The following TPD52L1 variants were observed in gnomAD, a reference collection of about 807,000 sequenced individuals.
TPD52L1 encodes the protein TPD52 like 1.
A neutral mutation model predicts 28.7 loss-of-function variants in TPD52L1; 18 were observed. The ratio of observed to expected loss-of-function variants is 0.63; its 90% CI spans 0.43 to 0.93. The LOEUF (loss-of-function observed/expected upper bound fraction) is 0.93, where lower values mean the gene tolerates loss of function less well. TPD52L1 is among the 40% of genes least tolerant of loss of function. The pLI is 0.00. For missense variants in TPD52L1, 203 were observed against 254.8 expected (o/e 0.80, Z 1.39); for synonymous variants, 75 against 88.8 (o/e 0.84, Z 0.88).
intron 1 of TPD52L1, among the ~76,000 whole-genome samples, chr6:125,172,552 A>ACATACATAC (rs71024714): frequency 1.4e-5 from 1 of 72,394 alleles, no homozygotes; most frequent in African/African-American, 6.1e-5. Context: ...ATATATATAT[A>ACATACATAC]ATATATATAC....
chr6:125,208,728 C>T (rs1794322653), intron 1 of TPD52L1, among the ~76,000 whole-genome samples: 1 of 152,124 alleles, frequency 6.6e-6, no homozygotes, highest in Admixed American at 6.5e-5. Context: ...CAGTTGCTAA[C>T]ATTGTAGTAA....
intron 1 of TPD52L1, among the ~76,000 whole-genome samples, chr6:125,185,596 T>A (rs577223553): frequency 6.6e-6 from 1 of 151,848 alleles, no homozygotes; most frequent in East Asian, 1.9e-4. Context: ...CTTCAAAATC[T>A]ATGAGACGAA....
At chr6:125,246,721 C>T (rs1311574892) in intron 3 of TPD52L1, among the ~76,000 whole-genome samples, 1 of 151,966 alleles carries the variant, frequency 6.6e-6, no homozygotes, top group Non-Finnish European at 1.5e-5. Flanking sequence ...TTCATCTTGT[C>T]TCATTTGCTG....
At chr6:125,262,668 A>T (rs1583040819) in intron 6 of TPD52L1, 166 bp from the exon 7 acceptor site, 6 of 916,634 alleles carry the variant, frequency 6.5e-6, no homozygotes. Flanking sequence ...TATGAATAAT[A>T]TTCTAGCACT....
intron 2 of TPD52L1, among the ~76,000 whole-genome samples, chr6:125,223,366 C>G (rs1795381741): frequency 6.6e-6 from 1 of 152,094 alleles, no homozygotes; most frequent in African/African-American, 2.4e-5. Flanking sequence ...TAAACTAAGC[C>G]AGTAGTGTCC....
At chr6:125,171,832 T>C (rs1791318368) in intron 1 of TPD52L1, among the ~76,000 whole-genome samples, 1 of 152,192 alleles carries the variant, frequency 6.6e-6, no homozygotes, top group African/African-American at 2.4e-5. Context: ...ATAATAAATA[T>C]GTGTTGTTTT....
At chr6:125,162,963 G>A (rs1029227983) in intron 1 of TPD52L1, among the ~76,000 whole-genome samples, 1 of 152,184 alleles carries the variant, frequency 6.6e-6, no homozygotes, top group African/African-American at 2.4e-5. Flanking sequence ...ATTAAATGAA[G>A]AAGACAGGAT....
At position 125,163,465 on chromosome 6, in the gene TPD52L1, C is replaced by A. The variant is rs560310794; in HGVS notation, c.19+9495C>A. On this transcript the variant is annotated intron_variant, in intron 1 of 6. Transcript: ENST00000534000. ...GGCATGGTGATGCATGCATGTATTC[C>A]CAGCTACTTGGGAGGCTGAGGTGGG... 4.6e-5 allele frequency among the ~76,000 whole-genome samples: 7 copies of A among 151,802 alleles called. No individual in the cohort carries two copies. The South Asian group carries it at 1.5e-3, about 32-fold the overall frequency.
At chr6:125,159,961 G>A (rs937611491) in intron 1 of TPD52L1, among the ~76,000 whole-genome samples, 3 of 152,118 alleles carry the variant, frequency 2.0e-5, no homozygotes, top group South Asian at 2.1e-4. Flanking sequence ...TTCCCATGCT[G>A]TTCTCATGAT....
At chr6:125,254,230 G>A (rs1797455656) in intron 5 of TPD52L1, among the ~76,000 whole-genome samples, 1 of 152,220 alleles carries the variant, frequency 6.6e-6, no homozygotes. Context: ...ATATTAAGGT[G>A]AGATGTTTGT....
chr6:125,171,182 T>G (rs148058444), intron 1 of TPD52L1, among the ~76,000 whole-genome samples: 242 of 152,272 alleles, frequency 1.6e-3, no homozygotes, highest in African/African-American at 5.6e-3. Flanking sequence ...AATCGGAAAC[T>G]TTGAGAATGA....
intron 1 of TPD52L1, among the ~76,000 whole-genome samples, chr6:125,175,989 A>G (rs1208605714): frequency 6.6e-6 from 1 of 152,194 alleles, no homozygotes; most frequent in African/African-American, 2.4e-5. Context: ...AGGTTCCAAC[A>G]TACTAGAAGA....
chr6:125,159,634 A>T (rs1790378082), intron 1 of TPD52L1, among the ~76,000 whole-genome samples: 1 of 152,184 alleles, frequency 6.6e-6, no homozygotes, highest in African/African-American at 2.4e-5. Context: ...GAATGTTTTC[A>T]ATTTATTTTG....
chr6:125,183,560 A>C (rs576551506), intron 1 of TPD52L1, among the ~76,000 whole-genome samples: 5 of 152,368 alleles, frequency 3.3e-5, no homozygotes, highest in African/African-American at 1.2e-4. Context: ...AAGAGTGCCC[A>C]GTCCGTGAAG....
At chr6:125,249,712 A>G (rs1362271223) in intron 4 of TPD52L1, among the ~76,000 whole-genome samples, 2 of 148,522 alleles carry the variant, frequency 1.3e-5, no homozygotes, top group Non-Finnish European at 3.0e-5. Flanking sequence ...AAAAAAAAAG[A>G]AGGAAAAGCT....
chr6:125,219,155 T>C (rs550887099), intron 1 of TPD52L1, among the ~76,000 whole-genome samples: 1 of 152,326 alleles, frequency 6.6e-6, no homozygotes, highest in South Asian at 2.1e-4. Flanking sequence ...ACTGGAATCA[T>C]GTCATAGATG....
intron 1 of TPD52L1, among the ~76,000 whole-genome samples, chr6:125,165,581 A>T (rs545010466): frequency 6.6e-6 from 1 of 152,358 alleles, no homozygotes; most frequent in South Asian, 2.1e-4. Context: ...CACATGAAAA[A>T]TGCATGTATA....
At chr6:125,228,664 G>A (rs537621447) in intron 2 of TPD52L1, among the ~76,000 whole-genome samples, 1 of 152,220 alleles carries the variant, frequency 6.6e-6, no homozygotes, top group East Asian at 1.9e-4. Flanking sequence ...AACATAGTGA[G>A]ACCCTGTCTC....
chr6:125,154,329 C>T (rs1002809131), intron 1 of TPD52L1: 1 of 1,081,956 alleles, frequency 9.2e-7, no homozygotes, highest in Non-Finnish European at 1.1e-6. Flanking sequence ...CTCCCTTTCC[C>T]TTGAGGGAGT....
Sources: gnomAD v4.1 joint callset for allele counts (sites outside exome capture counted in the v4.1 genomes callset) on GRCh38, gnomAD v4.1.1 for gene constraint, MANE v1.5 for transcripts, NCBI Gene and HGNC (gene_info 2026-07-23, HGNC 2026-07-21) for gene names.